Variants in PLA2R1 observed in about 807,000 individuals in gnomAD.
PLA2R1 encodes secretory phospholipase A2 receptor.
PLA2R1 carries 158 observed loss-of-function variants against 195.9 expected under a neutral mutation model. The ratio of observed to expected loss-of-function variants is 0.81; its 90% CI spans 0.71 to 0.92. PLA2R1 has a LOEUF of 0.92. PLA2R1 is among the 40% of genes least tolerant of loss of function. PLA2R1 has a pLI of 0.00. For synonymous variants in PLA2R1, 586 were observed against 598.2 expected (o/e 0.98, Z 0.30); for missense variants, 1,626 against 1,764.6 (o/e 0.92, Z 1.41).
rs1689002663 is a variant in PLA2R1 at position 159,969,470 on chromosome 2, T to A, written c.2661-111A>T. 4 of 583,860 alleles carry A rather than the reference T, an allele frequency of 6.9e-6. No individual in the cohort carries two copies. In the South Asian group the frequency reaches 9.8e-5, roughly 14 times the overall value. 36.2% of individuals were successfully genotyped at this position (583,860 alleles called of 1,614,324 possible). A position where few individuals can be genotyped will look rare whatever the true frequency, so the allele number is the denominator to read the frequency against. On this transcript the variant is annotated intron_variant, in intron 18 of 29. Coordinates refer to ENST00000283243, the MANE Select transcript of PLA2R1 (RefSeq NM_007366.5). The stretch of plus-strand genomic sequence containing the variant: ...TTGAAGATATAATATTCTATTAAAT[T>A]TAAAAAATATACTCATATGTAGCAT...
intron 20 of PLA2R1, among the ~76,000 whole-genome samples, chr2:159,959,568 T>A (rs2105184180): frequency 6.6e-6 from 1 of 152,338 alleles, no homozygotes; most frequent in East Asian, 1.9e-4. Flanking sequence ...TGTGAATTAA[T>A]GGGGTCCTAC....
chr2:159,997,617 A>T (rs1392446512), intron 11 of PLA2R1, among the ~76,000 whole-genome samples: 1 of 152,084 alleles, frequency 6.6e-6, no homozygotes, highest in East Asian at 1.9e-4. Flanking sequence ...TGAGTCCCCT[A>T]CAGTTTTTAA....
At chr2:159,954,979 A>C (rs1452531142) in intron 23 of PLA2R1, among the ~76,000 whole-genome samples, 2 of 152,194 alleles carry the variant, frequency 1.3e-5, no homozygotes, top group African/African-American at 4.8e-5. Flanking sequence ...TTTGGTCATC[A>C]CTCAAGTGGC....
chr2:160,001,937 GAAC>G (rs1461595046), intron 11 of PLA2R1, among the ~76,000 whole-genome samples: 1 of 150,924 alleles, frequency 6.6e-6, no homozygotes, highest in African/African-American at 2.4e-5. Flanking sequence ...TAGATGATCT[GAAC>G]AACACATTTA....
intron 20 of PLA2R1, among the ~76,000 whole-genome samples, chr2:159,959,619 C>G (rs924137108): frequency 6.6e-6 from 1 of 151,982 alleles, no homozygotes; most frequent in African/African-American, 2.4e-5. Context: ...TCTTTTTTGT[C>G]TCAAAATCAT....
At position 159,943,256 on chromosome 2, in the gene PLA2R1, C is replaced by A. The variant is rs2063438; in HGVS notation, c.4145-1097G>T. On this transcript the variant is annotated intron_variant, in intron 28 of 29. Transcript: ENST00000283243. ...AAGTGCTGGGATTTACAGGCGTGAG[C>A]CACCACCCCCGGCCCAGACTTGTTC... Among the ~76,000 whole-genome samples, 177 of 152,260 alleles carry A rather than the reference C, an allele frequency of 1.2e-3. 7 individuals carry two copies. In the East Asian group the frequency reaches 0.033, roughly 28 times the overall value.
rs59454660 is a variant in PLA2R1 at position 160,005,463 on chromosome 2, C to T, written c.1834+189G>A. Among the ~76,000 whole-genome samples, 15 of 117,448 alleles carry T rather than the reference C, an allele frequency of 1.3e-4. No homozygotes were observed. The East Asian group carries it at 2.7e-3, about 21-fold the overall frequency. The allele number at this position is 117,448 out of a possible 152,430, so 77.1% of individuals were successfully genotyped here. ...ACAAACAAACAAACAAACAAACAAA[C>T]AAACAAATAAAATAAATAAAAACAA... is the stretch of plus-strand genomic sequence containing the variant. On this transcript the variant is annotated intron_variant, in intron 11 of 29. Transcript: ENST00000283243.
At chr2:159,992,897 A>C (rs558071225) in intron 11 of PLA2R1, among the ~76,000 whole-genome samples, 1 of 152,238 alleles carries the variant, frequency 6.6e-6, no homozygotes, top group South Asian at 2.1e-4. Context: ...ATATGAATGA[A>C]ACACGCCAGG....
chr2:160,025,009 T>C (rs991486729), intron 6 of PLA2R1, among the ~76,000 whole-genome samples: 6 of 152,162 alleles, frequency 3.9e-5, no homozygotes, highest in Admixed American at 2.0e-4. Context: ...CTTCATCCCC[T>C]AGAGCTTGAG....
In PLA2R1 at chr2:159,933,694, A is replaced by G. The variant is rs566559869; in HGVS notation, c.*8084T>C. The G allele has an allele frequency of 1.1e-4, 17 of 152,330 alleles. No individual in the cohort carries two copies. The South Asian group carries it at 3.3e-3, about 30-fold the overall frequency. 9.4% of individuals were successfully genotyped at this position (152,330 alleles called of 1,614,324 possible). A position where few individuals can be genotyped will look rare whatever the true frequency, so the allele number is the denominator to read the frequency against. On this transcript the variant is annotated 3_prime_UTR_variant, in exon 30 of 30. Coordinates refer to ENST00000283243, the MANE Select transcript of PLA2R1 (RefSeq NM_007366.5). ...CTGGGCCACAATAGGCTCTAAATAA[A>G]TGTTTACTGATCATAATTGTTTATT...
At chr2:160,045,322 A>G (rs1351637444) in intron 1 of PLA2R1, among the ~76,000 whole-genome samples, 165 bp from the exon 2 acceptor site, 1 of 152,230 alleles carries the variant, frequency 6.6e-6, no homozygotes. Flanking sequence ...GTATTTGCAT[A>G]AAACAGAGGA....
intron 1 of PLA2R1, among the ~76,000 whole-genome samples, chr2:160,049,215 T>C (rs954788626): frequency 6.6e-6 from 1 of 152,202 alleles, no homozygotes; most frequent in African/African-American, 2.4e-5. Context: ...TTCTACTTTC[T>C]ACTTCTGAGT....
chr2:159,944,417 T>C (rs570931643), intron 28 of PLA2R1, among the ~76,000 whole-genome samples: 155 of 152,318 alleles, frequency 1.0e-3, no homozygotes, highest in South Asian at 1.7e-3. Context: ...TTTTTTTTAA[T>C]TACTAAACAC....
intron 11 of PLA2R1, among the ~76,000 whole-genome samples, chr2:159,994,637 A>G (rs1234345712): frequency 6.6e-6 from 1 of 152,070 alleles, no homozygotes; most frequent in Non-Finnish European, 1.5e-5. Context: ...AGGATTTGTT[A>G]TGAAAAAATA....
intron 20 of PLA2R1, among the ~76,000 whole-genome samples, chr2:159,961,949 A>G (rs1279515064): frequency 1.3e-5 from 2 of 152,222 alleles, no homozygotes; most frequent in East Asian, 3.8e-4. Context: ...AAACCTGGGC[A>G]ATACCATTCA....
intron 1 of PLA2R1, among the ~76,000 whole-genome samples, chr2:160,055,168 CAG>C (rs1695456682): frequency 6.6e-6 from 1 of 152,022 alleles, no homozygotes. Context: ...TAAATAGGAC[CAG>C]AAAAACTGGA....
At chr2:160,023,381 C>T (rs113161659) in intron 6 of PLA2R1, among the ~76,000 whole-genome samples, 188 of 152,254 alleles carry the variant, frequency 1.2e-3, no homozygotes, top group African/African-American at 3.9e-3. Context: ...TGGTCATCCT[C>T]GCTGCTCATT....
chr2:160,022,593 T>C (rs761769171), intron 7 of PLA2R1, 72 bp downstream of exon 7: 12 of 837,142 alleles, frequency 1.4e-5, no homozygotes, highest in Non-Finnish European at 2.0e-5. Flanking sequence ...AAATTTCTTT[T>C]CAACTCCACT....
At chr2:160,060,174 G>A (rs1307280164) in intron 1 of PLA2R1, among the ~76,000 whole-genome samples, 1 of 152,144 alleles carries the variant, frequency 6.6e-6, no homozygotes, top group African/African-American at 2.4e-5. Flanking sequence ...TTAGTGGATT[G>A]GAAATGAAAA....
Sources: gnomAD v4.1 joint callset for allele counts (sites outside exome capture counted in the v4.1 genomes callset) on GRCh38, gnomAD v4.1.1 for gene constraint, MANE v1.5 for transcripts, NCBI Gene and HGNC (gene_info 2026-07-23, HGNC 2026-07-21) for gene names.